Variants in EXOC4 observed in about 807,000 individuals in gnomAD.
EXOC4 encodes the protein exocyst complex component 4, also known as SEC8-like 1.
EXOC4 carries 71 observed loss-of-function variants against 107.2 expected under a neutral mutation model. That is an observed-to-expected ratio of 0.66 (90% CI 0.55 to 0.81). EXOC4 has a LOEUF of 0.81. Ranked by LOEUF, EXOC4 falls within the 30% of genes least tolerant of loss-of-function variation. The pLI is 0.00. For missense variants in EXOC4, 1,108 were observed against 1,189.6 expected (o/e 0.93, Z 1.01); for synonymous variants, 456 against 441.2 (o/e 1.03, Z -0.42).
At position 133,764,210 on chromosome 7, in the gene EXOC4, G is replaced by A. The variant is rs374949996; in HGVS notation, c.1515-53115G>A. Among the ~76,000 whole-genome samples, 38 of 151,906 alleles carry A rather than the reference G, an allele frequency of 2.5e-4. 1 individual carries two copies. Among genetic ancestry groups the A allele is most frequent in the South Asian group, 2.3e-3 (11 of 4,802 alleles). On this transcript the variant is annotated intron_variant, in intron 10 of 17. Coordinates refer to ENST00000253861, the MANE Select transcript of EXOC4 (RefSeq NM_021807.4). ...TGCTCATCCTGCAGCCCACATTCCC[G>A]TCATTTTCAAACGTACAGAAGTGAA...
chr7:133,318,682 TTAA>T (rs1795044428), intron 5 of EXOC4, among the ~76,000 whole-genome samples: 1 of 152,228 alleles, frequency 6.6e-6, no homozygotes, highest in Non-Finnish European at 1.5e-5. Context: ...TGTTGAGAGC[TTAA>T]TATATTGTTG....
chr7:133,941,272 C>T (rs1800422164), intron 14 of EXOC4, among the ~76,000 whole-genome samples: 1 of 152,128 alleles, frequency 6.6e-6, no homozygotes, highest in Non-Finnish European at 1.5e-5. Context: ...GCTGGGATTA[C>T]AGGCATGAGC....
At chr7:133,730,166 C>T (rs1178440418) in intron 10 of EXOC4, among the ~76,000 whole-genome samples, 1 of 146,904 alleles carries the variant, frequency 6.8e-6, no homozygotes, top group African/African-American at 2.5e-5. Flanking sequence ...CAAAACCGCA[C>T]ACTAGATCCC....
Position 133,845,042 on chromosome 7 carries a change from A to G in EXOC4, c.1734+27498A>G, listed in dbSNP as rs1798096560. On this transcript the variant is annotated intron_variant, in intron 11 of 17. Transcript: ENST00000253861. ...TCTTAACATTGAAATTTGTATGTAT[A>G]AGTAGACTCTACATCCTGGGAACTT... Among the ~76,000 whole-genome samples the G allele has an allele frequency of 2.0e-5, 3 of 152,346 alleles. No individual in the cohort carries two copies. The South Asian group carries it at 6.2e-4, about 32-fold the overall frequency.
chr7:133,494,879 A>G (rs1799442201), intron 9 of EXOC4, among the ~76,000 whole-genome samples: 3 of 152,080 alleles, frequency 2.0e-5, no homozygotes, highest in Admixed American at 2.0e-4. Context: ...TCTGTTTTAG[A>G]TGGTTTCTGT....
At chr7:133,378,825 T>C (rs1285523118) in intron 7 of EXOC4, among the ~76,000 whole-genome samples, 5 of 151,804 alleles carry the variant, frequency 3.3e-5, no homozygotes, top group Admixed American at 2.0e-4. Context: ...AAAACAAAGA[T>C]AGGATGAATA....
At chr7:133,279,990 C>T (rs1311627241) in intron 2 of EXOC4, among the ~76,000 whole-genome samples, 1 of 152,046 alleles carries the variant, frequency 6.6e-6, no homozygotes, top group Non-Finnish European at 1.5e-5. Flanking sequence ...TAGGGTTTCA[C>T]TCTGTTGTCC....
Position 133,817,545 on chromosome 7 carries a change from G to T in EXOC4, c.1734+1G>T, listed in dbSNP as rs1367850786. On this transcript the variant is annotated splice_donor_variant, in intron 11 of 17. Coordinates refer to ENST00000253861, the MANE Select transcript of EXOC4 (RefSeq NM_021807.4). LOFTEE classifies it high-confidence loss of function. ...GGGAGTGCAGCGGCCTCTCCTACAG[G>T]TAATAATACACTTTGAACTTACTAT... The T allele has an allele frequency of 6.2e-7, 1 of 1,605,912 alleles. No individual in the cohort carries two copies. Among genetic ancestry groups the T allele is most frequent in the East Asian group, 2.2e-5 (1 of 44,818 alleles).
intron 9 of EXOC4, among the ~76,000 whole-genome samples, chr7:133,565,737 G>A (rs921367524): frequency 6.6e-6 from 1 of 151,944 alleles, no homozygotes; most frequent in African/African-American, 2.4e-5. Flanking sequence ...GAATCTTCTG[G>A]GTTTTTGTTT....
At chr7:133,960,949 A>C (rs956900231) in intron 14 of EXOC4, among the ~76,000 whole-genome samples, 13 of 152,202 alleles carry the variant, frequency 8.5e-5, no homozygotes, top group African/African-American at 2.9e-4. Context: ...TAGGCAGAAC[A>C]AATGGCTCCC....
chr7:133,573,138 G>A (rs1563112559), intron 9 of EXOC4, among the ~76,000 whole-genome samples: 2 of 152,130 alleles, frequency 1.3e-5, no homozygotes, highest in Non-Finnish European at 2.9e-5. Flanking sequence ...TAGATCTTGT[G>A]TATAGTTAAT....
chr7:134,015,509 C>T (rs1236755008), intron 17 of EXOC4, among the ~76,000 whole-genome samples: 1 of 152,118 alleles, frequency 6.6e-6, no homozygotes, highest in Non-Finnish European at 1.5e-5. Context: ...ATCATTTCAG[C>T]AGCAGTATAG....
chr7:133,919,273 G>A (rs1799883632), intron 13 of EXOC4, among the ~76,000 whole-genome samples: 2 of 152,080 alleles, frequency 1.3e-5, no homozygotes, highest in South Asian at 4.1e-4. Flanking sequence ...GTACAGAGTT[G>A]CCATAGATCC....
At chr7:133,493,776 A>G (rs1353916141) in intron 9 of EXOC4, among the ~76,000 whole-genome samples, 2 of 152,160 alleles carry the variant, frequency 1.3e-5, no homozygotes, top group African/African-American at 4.8e-5. Flanking sequence ...TTGAGAATGT[A>G]GTTGTGATTC....
rs1450031758 is a variant in EXOC4 at position 133,259,827 on chromosome 7, TACTC to T, written c.86+6641_86+6644del. ...TAATTTTTTATTAAATATGGGATCT[TACTC>T]TATATACTAATTTTATTTGTCCTCC... On this transcript the variant is annotated intron_variant, in intron 1 of 17. Coordinates refer to ENST00000253861, the MANE Select transcript of EXOC4 (RefSeq NM_021807.4). Among the ~76,000 whole-genome samples, 4 of 152,224 alleles carry T rather than the reference TACTC, an allele frequency of 2.6e-5. No individual in the cohort carries two copies. The East Asian group carries it at 5.8e-4, about 22-fold the overall frequency.
intron 10 of EXOC4, among the ~76,000 whole-genome samples, chr7:133,805,825 T>C (rs537935185): frequency 6.6e-6 from 1 of 152,304 alleles, no homozygotes; most frequent in African/African-American, 2.4e-5. Context: ...ATTTTATAAG[T>C]TGAAGGAAGA....
intron 13 of EXOC4, among the ~76,000 whole-genome samples, chr7:133,919,481 G>T (rs976677333): frequency 6.6e-6 from 1 of 152,014 alleles, no homozygotes; most frequent in African/African-American, 2.4e-5. Flanking sequence ...ATAGTATTAT[G>T]CAGAATAATA....
At chr7:134,094,092 T>C in the EXOC4 span, among the ~76,000 whole-genome samples, 7 of 152,004 alleles carry the variant, frequency 4.6e-5, no homozygotes, top group Admixed American at 3.9e-4. Flanking sequence ...CTGAAAAATA[T>C]TGAGTCCCAA....
chr7:133,680,593 T>C (rs1004773003), intron 10 of EXOC4, among the ~76,000 whole-genome samples: 2 of 152,134 alleles, frequency 1.3e-5, no homozygotes, highest in Non-Finnish European at 2.9e-5. Context: ...TCCACCCCCA[T>C]CTTGTAAGGA....
Sources: gnomAD v4.1 joint callset for allele counts (sites outside exome capture counted in the v4.1 genomes callset) on GRCh38, gnomAD v4.1.1 for gene constraint, MANE v1.5 for transcripts, NCBI Gene and HGNC (gene_info 2026-07-23, HGNC 2026-07-21) for gene names.